The following DIP2B variants were observed in gnomAD, a reference collection of about 807,000 sequenced individuals.
DIP2B encodes the protein disco-interacting protein 2 homolog B.
A neutral mutation model predicts 198.0 loss-of-function variants in DIP2B; 76 were observed. That is an observed-to-expected ratio of 0.38 (90% CI 0.32 to 0.46). The LOEUF (loss-of-function observed/expected upper bound fraction) is 0.46. Ranked by LOEUF, DIP2B falls within the 20% of genes least tolerant of loss-of-function variation. The pLI is 0.99. For synonymous variants in DIP2B, 701 were observed against 739.1 expected (o/e 0.95, Z 0.84); for missense variants, 1,559 against 1,978.4 (o/e 0.79, Z 4.02).
intron 2 of DIP2B, among the ~76,000 whole-genome samples, chr12:50,637,050 A>G (rs1229537427): frequency 2.0e-5 from 3 of 152,036 alleles, no homozygotes; most frequent in Non-Finnish European, 2.9e-5. Context: ...TAGCCTCTCA[A>G]TCAAGAGGCT....
chr12:50,604,220 A>G (rs1958962826), intron 1 of DIP2B, among the ~76,000 whole-genome samples: 1 of 142,968 alleles, frequency 7.0e-6, no homozygotes, highest in African/African-American at 2.5e-5. Context: ...ATGTTCTTAA[A>G]TATGATTGAT....
At chr12:50,631,780 G>A (rs890402458) in intron 2 of DIP2B, among the ~76,000 whole-genome samples, 6 of 152,120 alleles carry the variant, frequency 3.9e-5, no homozygotes, top group Admixed American at 1.3e-4. Flanking sequence ...AAATACTTTA[G>A]CGAGGGTCTG....
At chr12:50,524,782 TA>T (rs1304714228) in intron 1 of DIP2B, among the ~76,000 whole-genome samples, 4 of 152,150 alleles carry the variant, frequency 2.6e-5, no homozygotes, top group African/African-American at 7.2e-5. Flanking sequence ...GGTTGGAGTG[TA>T]GTGGTGTGAT....
chr12:50,605,570 A>G (rs1156871597), intron 1 of DIP2B, among the ~76,000 whole-genome samples: 1 of 152,110 alleles, frequency 6.6e-6, no homozygotes, highest in African/African-American at 2.4e-5. Context: ...CTCCAAAATA[A>G]AAAGAAATCC....
chr12:50,644,440 C>T (rs187276834), intron 3 of DIP2B, among the ~76,000 whole-genome samples: 121 of 152,298 alleles, frequency 7.9e-4, no homozygotes, highest in African/African-American at 2.7e-3. Context: ...CCTTATTCAG[C>T]TCAAACATGA....
intron 10 of DIP2B, among the ~76,000 whole-genome samples, chr12:50,685,291 A>T (rs1939113686): frequency 6.6e-6 from 1 of 152,174 alleles, no homozygotes; most frequent in Admixed American, 6.6e-5. Context: ...AATGTTTTAG[A>T]CTATATCTTT....
chr12:50,508,661 T>C (rs1423089974), intron 1 of DIP2B, among the ~76,000 whole-genome samples: 1 of 152,124 alleles, frequency 6.6e-6, no homozygotes, highest in African/African-American at 2.4e-5. Context: ...TAAATATTTG[T>C]GCTGTCATTG....
At chr12:50,648,525 G>A (rs933312416) in intron 3 of DIP2B, among the ~76,000 whole-genome samples, 2 of 151,754 alleles carry the variant, frequency 1.3e-5, no homozygotes, top group Non-Finnish European at 2.9e-5. Flanking sequence ...CACCACGCCC[G>A]GCTAATTTTT....
At chr12:50,664,830 GTTTTTGTTTTTTTTTTTTTTTTTTTTT>G (rs1938720296) in intron 4 of DIP2B, among the ~76,000 whole-genome samples, 1 of 99,686 alleles carries the variant, frequency 1.0e-5, no homozygotes, top group Admixed American at 1.2e-4. Context: ...TCCTTTTTTG[GTTTTTGTTTTTTTTTTTTTTTTTTTTT>G]TTTTTTTTTT....
intron 3 of DIP2B, among the ~76,000 whole-genome samples, chr12:50,648,665 CTTT>C (rs1235388963): frequency 0.012 from 70 of 5,630 alleles, no homozygotes; most frequent in Non-Finnish European, 0.01. Context: ...GCCCAGCCCC[CTTT>C]TTTTTTTTTT....
At chr12:50,546,048 T>A (rs889244671) in intron 1 of DIP2B, among the ~76,000 whole-genome samples, 9 of 152,232 alleles carry the variant, frequency 5.9e-5, no homozygotes, top group African/African-American at 2.2e-4. Context: ...ATATAGCAGG[T>A]GGCAGTGCCT....
At chr12:50,630,147 A>G (rs1162652072) in intron 2 of DIP2B, among the ~76,000 whole-genome samples, 1 of 151,822 alleles carries the variant, frequency 6.6e-6, no homozygotes, top group East Asian at 1.9e-4. Flanking sequence ...ACAGGGTTTC[A>G]CCATGTTGGC....
chr12:50,565,562 G>A (rs1958556872), intron 1 of DIP2B, among the ~76,000 whole-genome samples: 1 of 152,208 alleles, frequency 6.6e-6, no homozygotes, highest in Non-Finnish European at 1.5e-5. Flanking sequence ...TATATATCAT[G>A]TTCCCATATT....
chr12:50,686,127 A>G (rs1939126615), intron 11 of DIP2B, among the ~76,000 whole-genome samples, 171 bp downstream of exon 11: 1 of 152,246 alleles, frequency 6.6e-6, no homozygotes, highest in Admixed American at 6.5e-5. Context: ...GAAACTGAGA[A>G]ACAGAGAGGT....
chr12:50,696,211 C>T (rs1282287803), intron 16 of DIP2B, among the ~76,000 whole-genome samples: 1 of 152,226 alleles, frequency 6.6e-6, no homozygotes, highest in African/African-American at 2.4e-5. Context: ...CCTCCTGCCC[C>T]AGCCCTAGAT....
intron 2 of DIP2B, among the ~76,000 whole-genome samples, chr12:50,637,376 T>G (rs1437911948): frequency 1.3e-5 from 2 of 152,234 alleles, no homozygotes; most frequent in Non-Finnish European, 1.5e-5. Context: ...TGCTGTATCT[T>G]TAGCCTCACT....
intron 5 of DIP2B, 151 bp from the exon 6 acceptor site, chr12:50,674,323 C>G: frequency 1.3e-6 from 1 of 788,480 alleles, no homozygotes; most frequent in Non-Finnish European, 2.0e-6. Flanking sequence ...TTGTGTCTTG[C>G]TAATAGATTC....
Position 50,505,144 on chromosome 12 carries a change from G to A in DIP2B, c.4G>A (p.Ala2Thr). The A allele has an allele frequency of 6.5e-7, 1 of 1,530,006 alleles. No homozygotes were observed. Among genetic ancestry groups the A allele is most frequent in the Non-Finnish European group, 8.7e-7 (1 of 1,143,582 alleles). 94.8% of individuals were successfully genotyped at this position (1,530,006 alleles called of 1,614,324 possible). A position where few individuals can be genotyped will look rare whatever the true frequency, so the allele number is the denominator to read the frequency against. Residue 2 changes from alanine to threonine, a missense_variant, in exon 1 of 38, where the codon GCG (alanine) becomes ACG (threonine). Transcript: ENST00000301180. M[A>T]ERGLEPSPAA... ...GAGTGTGGCTGGCGGAGCTGGGATGGCGGAACGAGGCCTGGAGCCGTCGCC... is the reference window on the plus strand; with the variant it reads ...GAGTGTGGCTGGCGGAGCTGGGATGACGGAACGAGGCCTGGAGCCGTCGCC...
intron 1 of DIP2B, among the ~76,000 whole-genome samples, chr12:50,511,186 C>T (rs1428748645): frequency 2.0e-5 from 3 of 151,688 alleles, no homozygotes; most frequent in Non-Finnish European, 4.4e-5. Flanking sequence ...CCTTGTGATC[C>T]GCCTGCTTTG....
Sources: allele counts gnomAD v4.1 joint callset (sites outside exome capture counted in the v4.1 genomes callset), GRCh38; gene constraint gnomAD v4.1.1; transcripts MANE v1.5; gene names NCBI Gene and HGNC (gene_info 2026-07-23, HGNC 2026-07-21).